The following KCNIP4 variants were observed in gnomAD, a reference collection of about 807,000 sequenced individuals.
The protein encoded by KCNIP4 is potassium voltage-gated channel interacting protein 4, also known as Kv channel-interacting protein 4.
KCNIP4 carries 12 observed loss-of-function variants against 34.0 expected under a neutral mutation model. The observed-to-expected ratio is 0.35, with a 90% CI of 0.23 to 0.57. The LOEUF is 0.57. KCNIP4 is among the 20% of genes least tolerant of loss of function. The pLI, the probability that KCNIP4 is intolerant of heterozygous loss-of-function variation, is 0.83. For missense variants in KCNIP4, 238 were observed against 311.7 expected (o/e 0.76, Z 1.78); for synonymous variants, 124 against 102.2 (o/e 1.21, Z -1.29).
intron 1 of KCNIP4, among the ~76,000 whole-genome samples, chr4:21,939,085 G>A (rs1384673127): frequency 2.0e-5 from 3 of 152,088 alleles, no homozygotes; most frequent in African/African-American, 7.2e-5. Context: ...CTCATGCTCA[G>A]GGATCCAAGG....
intron 1 of KCNIP4, among the ~76,000 whole-genome samples, chr4:21,496,195 G>T (rs1365840289): frequency 6.6e-6 from 1 of 152,180 alleles, no homozygotes; most frequent in African/African-American, 2.4e-5. Context: ...CAGGAGCTAA[G>T]GTGATTGAGA....
intron 1 of KCNIP4, among the ~76,000 whole-genome samples, chr4:21,539,672 A>T (rs1163947600): frequency 6.6e-6 from 1 of 152,012 alleles, no homozygotes; most frequent in Non-Finnish European, 1.5e-5. Context: ...ATACCATTTT[A>T]TATGCTGTGT....
At chr4:21,278,842 G>A (rs1872459) in intron 1 of KCNIP4, among the ~76,000 whole-genome samples, 37,512 of 152,074 alleles carry the variant, frequency 0.25, 4,795 homozygotes, top group South Asian at 0.35. Context: ...AAAACAAAAA[G>A]ATGCCATTTT....
intron 1 of KCNIP4, among the ~76,000 whole-genome samples, chr4:21,582,760 A>C (rs140947656): frequency 6.6e-6 from 1 of 152,076 alleles, no homozygotes; most frequent in Non-Finnish European, 1.5e-5. Context: ...TGAACACTGG[A>C]CACAATGCAT....
chr4:20,830,054 CA>C (rs1718230696), intron 3 of KCNIP4, among the ~76,000 whole-genome samples: 1 of 152,184 alleles, frequency 6.6e-6, no homozygotes, highest in Non-Finnish European at 1.5e-5. Flanking sequence ...TTTCCCATTT[CA>C]GAATGTCAAT....
chr4:21,096,608 G>A (rs1441140409), intron 1 of KCNIP4, among the ~76,000 whole-genome samples: 1 of 151,930 alleles, frequency 6.6e-6, no homozygotes, highest in Non-Finnish European at 1.5e-5. Flanking sequence ...ACTAAAGTTG[G>A]TTCTTCGAGA....
intron 1 of KCNIP4, among the ~76,000 whole-genome samples, chr4:21,093,789 A>C (rs1747208822): frequency 6.6e-6 from 1 of 152,200 alleles, no homozygotes; most frequent in South Asian, 2.1e-4. Flanking sequence ...AACAATTAAA[A>C]GAAAAAAAGC....
At chr4:20,909,070 A>G (rs1287047145) in intron 1 of KCNIP4, among the ~76,000 whole-genome samples, 2 of 152,238 alleles carry the variant, frequency 1.3e-5, no homozygotes, top group East Asian at 3.8e-4. Context: ...CAGCCATTAC[A>G]TAATCTGTTA....
intron 1 of KCNIP4, among the ~76,000 whole-genome samples, chr4:21,189,653 G>C (rs1755487015): frequency 6.6e-6 from 1 of 152,046 alleles, no homozygotes; most frequent in Non-Finnish European, 1.5e-5. Context: ...GAAATAAAAA[G>C]GGTCCTTCTG....
chr4:21,879,584 T>C (rs1253716272), intron 1 of KCNIP4, among the ~76,000 whole-genome samples: 3 of 152,204 alleles, frequency 2.0e-5, no homozygotes, highest in Non-Finnish European at 4.4e-5. Flanking sequence ...GTCTTGCATA[T>C]TGTAAAGATG....
chr4:20,758,294 A>G (rs753933488), intron 4 of KCNIP4, among the ~76,000 whole-genome samples: 20 of 152,220 alleles, frequency 1.3e-4, no homozygotes, highest in South Asian at 2.1e-4. Context: ...GAGGGAGCAC[A>G]GTAAAGAATT....
intron 3 of KCNIP4, among the ~76,000 whole-genome samples, chr4:20,823,399 G>T (rs965193800): frequency 1.3e-5 from 2 of 152,144 alleles, no homozygotes; most frequent in African/African-American, 4.8e-5. Context: ...TATTTATGAT[G>T]ATCATGTTAT....
intron 1 of KCNIP4, among the ~76,000 whole-genome samples, chr4:20,977,676 G>A (rs1735622545): frequency 6.6e-6 from 1 of 152,164 alleles, no homozygotes; most frequent in Non-Finnish European, 1.5e-5. Context: ...AATAATTAAT[G>A]AAATTTTCAG....
chr4:21,111,937 C>T (rs969182419), intron 1 of KCNIP4, among the ~76,000 whole-genome samples: 1 of 152,140 alleles, frequency 6.6e-6, no homozygotes, highest in Non-Finnish European at 1.5e-5. Context: ...CTTCTGATAC[C>T]TAGTGCAATG....
chr4:21,204,589 C>T lies in KCNIP4; in HGVS notation c.62-321880G>A, dbSNP rs111762591. Among the ~76,000 whole-genome samples, 1,317 of 152,164 alleles carry T rather than the reference C, an allele frequency of 8.7e-3. 16 individuals carry two copies. Among genetic ancestry groups the T allele is most frequent in the African/African-American group, 0.03 (1,242 of 41,522 alleles). ...TGACTTTCCTTAGAGGTCTAATAAT[C>T]CATGAAATTAAAATTTCAAGTATTC... On this transcript the variant is annotated intron_variant, in intron 1 of 8. Coordinates refer to ENST00000382152, the MANE Select transcript of KCNIP4 (RefSeq NM_025221.6).
chr4:21,316,015 C>T (rs974989146), intron 1 of KCNIP4, among the ~76,000 whole-genome samples: 7 of 152,276 alleles, frequency 4.6e-5, no homozygotes, highest in African/African-American at 1.2e-4. Context: ...AACCCAAATG[C>T]CAGGGTGATT....
chr4:20,940,918 G>A (rs1731576182), intron 1 of KCNIP4, among the ~76,000 whole-genome samples: 1 of 152,134 alleles, frequency 6.6e-6, no homozygotes, highest in Non-Finnish European at 1.5e-5. Flanking sequence ...TAGACACACT[G>A]GATTCCAGTC....
chr4:20,771,412 A>T (rs1026960544), intron 3 of KCNIP4, among the ~76,000 whole-genome samples: 1 of 151,994 alleles, frequency 6.6e-6, no homozygotes, highest in Non-Finnish European at 1.5e-5. Flanking sequence ...CTTTTTTGTT[A>T]CTTATAGTCA....
intron 1 of KCNIP4, among the ~76,000 whole-genome samples, chr4:21,803,296 G>A (rs1413550863): frequency 1.3e-5 from 2 of 152,024 alleles, no homozygotes; most frequent in Admixed American, 6.6e-5. Context: ...TATCCAAGAA[G>A]AGTCTACAAC....
Sources: gnomAD v4.1 joint callset for allele counts (sites outside exome capture counted in the v4.1 genomes callset) on GRCh38, gnomAD v4.1.1 for gene constraint, MANE v1.5 for transcripts, NCBI Gene and HGNC (gene_info 2026-07-23, HGNC 2026-07-21) for gene names.